Variants in GIGYF2 observed in about 807,000 individuals in gnomAD.
GIGYF2 encodes GRB10-interacting GYF protein 2.
GIGYF2 carries 25 observed loss-of-function variants against 208.1 expected under a neutral mutation model. The ratio of observed to expected loss-of-function variants is 0.12; its 90% CI spans 0.09 to 0.17. The LOEUF (loss-of-function observed/expected upper bound fraction) is 0.17, where lower values mean the gene tolerates loss of function less well. GIGYF2 is among the 10% of genes least tolerant of loss of function. GIGYF2 has a pLI of 1.00. For synonymous variants in GIGYF2, 534 were observed against 543.8 expected (o/e 0.98, Z 0.25); for missense variants, 1,302 against 1,579.4 (o/e 0.82, Z 2.98).
chr2:232,718,461 C>G (rs1366318664), intron 2 of GIGYF2, among the ~76,000 whole-genome samples: 1 of 152,056 alleles, frequency 6.6e-6, no homozygotes, highest in Non-Finnish European at 1.5e-5. Context: ...GATTGGTTTG[C>G]CTGTTGATGT....
chr2:232,855,817 G>A (rs972789101), intron 28 of GIGYF2, among the ~76,000 whole-genome samples: 3 of 152,058 alleles, frequency 2.0e-5, no homozygotes, highest in Admixed American at 6.6e-5. Flanking sequence ...TCTCTTTTAA[G>A]GTAGACCTCC....
intron 2 of GIGYF2, chr2:232,729,541 A>C (rs1697356015): frequency 7.5e-7 from 1 of 1,335,824 alleles, no homozygotes; most frequent in African/African-American, 1.5e-5. Flanking sequence ...TGTTGAAAGC[A>C]GCCACATCCA....
intron 19 of GIGYF2, among the ~76,000 whole-genome samples, chr2:232,816,138 T>G (rs558581738): frequency 1.5e-4 from 23 of 152,310 alleles, no homozygotes; most frequent in Non-Finnish European, 3.1e-4. Context: ...TTTCTTAGTA[T>G]CCTCAGACGT....
At position 232,812,344 on chromosome 2, in the gene GIGYF2, T is replaced by A. The variant is rs79297024; in HGVS notation, c.2007-47T>A. 175 of 811,628 alleles carry A rather than the reference T, an allele frequency of 2.2e-4. 2 individuals carry two copies. Among genetic ancestry groups the A allele is most frequent in the South Asian group, 2.0e-3 (140 of 71,010 alleles). 50.3% of individuals were successfully genotyped at this position (811,628 alleles called of 1,614,324 possible). ...ATTCCTCTTCATCTTTTTTTTTTTT[T>A]CCTGCAAATGACAAGAACAAGTTAA... is the stretch of plus-strand genomic sequence containing the variant. On this transcript the variant is annotated intron_variant, in intron 17 of 28. Coordinates refer to ENST00000373563, the MANE Select transcript of GIGYF2 (RefSeq NM_001103146.3).
chr2:232,842,009 A>T (rs926097602), intron 23 of GIGYF2, among the ~76,000 whole-genome samples: 83 of 152,144 alleles, frequency 5.5e-4, no homozygotes, highest in Middle Eastern at 6.8e-3. Context: ...ATTTAAAAAA[A>T]AATTTTTTTT....
chr2:232,756,195 C>CTTTTT, intron 5 of GIGYF2, 28 bp from the exon 6 acceptor site: 1 of 1,023,758 alleles, frequency 9.8e-7, no homozygotes, highest in South Asian at 1.7e-5. Flanking sequence ...TTTCCTTTTT[C>CTTTTT]TCTTTTTTTT....
chr2:232,846,853 G>T (rs1348658873), intron 26 of GIGYF2, among the ~76,000 whole-genome samples: 1 of 152,190 alleles, frequency 6.6e-6, no homozygotes, highest in Non-Finnish European at 1.5e-5. Context: ...TCAGAGTCAG[G>T]TTTTAAACCC....
At chr2:232,850,763 T>TAA (rs1368008033) in intron 28 of GIGYF2, among the ~76,000 whole-genome samples, 10 of 152,240 alleles carry the variant, frequency 6.6e-5, no homozygotes, top group Non-Finnish European at 1.0e-4. Flanking sequence ...CTTAAATGCT[T>TAA]ATTTGTATTG....
intron 21 of GIGYF2, among the ~76,000 whole-genome samples, chr2:232,820,211 G>C (rs374575368): frequency 6.6e-6 from 1 of 152,052 alleles, no homozygotes; most frequent in African/African-American, 2.4e-5. Context: ...TTTTTGCTCA[G>C]CTGTATAGTG....
In GIGYF2 at chr2:232,844,427, C is replaced by G. The variant is rs746427143; in HGVS notation, c.3158C>G (p.Pro1053Arg). 2.0e-5 allele frequency: 32 copies of G among 1,611,498 alleles called. No individual in the cohort carries two copies. Among genetic ancestry groups the G allele is most frequent in the Non-Finnish European group, 2.6e-5 (31 of 1,177,698 alleles). ...GTTTGGGGCTCTATAAATACTGGTC[C>G]TCCTAACCAGTGGGCATCTGACCTA... ...NSVWGSINTG[P>R]PNQWASDLVS... The change falls in exon 25 of 29, where the codon CCT becomes CGT. Residue 1053 changes from proline (P) to arginine (R), a missense_variant. Physicochemically the swap from Pro to Arg is moderately radical, Grantham distance 103. Coordinates refer to ENST00000373563, the MANE Select transcript of GIGYF2 (RefSeq NM_001103146.3).
At chr2:232,786,909 C>A (rs149314840) in intron 8 of GIGYF2, among the ~76,000 whole-genome samples, 1 of 151,924 alleles carries the variant, frequency 6.6e-6, no homozygotes. Context: ...TTTCATTGTA[C>A]GCTTTTTCAA....
intron 2 of GIGYF2, among the ~76,000 whole-genome samples, chr2:232,732,475 T>C (rs746107811): frequency 1.2e-4 from 18 of 152,128 alleles, no homozygotes; most frequent in Admixed American, 2.6e-4. Context: ...TTTGAAGACA[T>C]TTAAAACAGC....
At chr2:232,829,899 C>G (rs1224155974) in intron 21 of GIGYF2, among the ~76,000 whole-genome samples, 1 of 152,194 alleles carries the variant, frequency 6.6e-6, no homozygotes, top group East Asian at 1.9e-4. Context: ...TGACAGTAGA[C>G]AGTTGGCAGG....
intron 8 of GIGYF2, among the ~76,000 whole-genome samples, chr2:232,785,746 A>T (rs1361819427): frequency 2.0e-5 from 3 of 152,236 alleles, no homozygotes; most frequent in African/African-American, 7.2e-5. Context: ...CTAGTAGCAG[A>T]CTAACAACCA....
At chr2:232,707,844 G>T (rs1013186302) in intron 2 of GIGYF2, among the ~76,000 whole-genome samples, 1 of 151,946 alleles carries the variant, frequency 6.6e-6, no homozygotes, top group African/African-American at 2.4e-5. Flanking sequence ...CACCATGTTG[G>T]CCAGGCTGGT....
chr2:232,713,726 T>C lies in GIGYF2; in HGVS notation c.-44+10237T>C, dbSNP rs145420276. On this transcript the variant is annotated intron_variant, in intron 2 of 28. Transcript: ENST00000373563. ...CCTTGACAAGTTTGAGGAGTACTAG[T>C]TATTTTGTAGAATGACTCTCTTTTA... Among the ~76,000 whole-genome samples, 7 of 152,298 alleles carry C rather than the reference T, an allele frequency of 4.6e-5. No individual in the cohort carries two copies. In the East Asian group the frequency reaches 7.7e-4, roughly 17 times the overall value.
Position 232,806,820 on chromosome 2 carries a change from A to G in GIGYF2, c.1806+163A>G, listed in dbSNP as rs3816335. ...TGAATGGAAGACTGAATACTTAGCT[A>G]TAATGATCTTTTCAAAACTCGAATA... is the stretch of plus-strand genomic sequence containing the variant. On this transcript the variant is annotated intron_variant, in intron 15 of 28. Coordinates refer to ENST00000373563, the MANE Select transcript of GIGYF2 (RefSeq NM_001103146.3). The surrounding 1 kb of genome is among the most constrained non-coding windows in gnomAD (Gnocchi z 4.0). 0.034 allele frequency among the ~76,000 whole-genome samples: 5,057 copies of G among 150,078 alleles called. 241 individuals are homozygous for G. The highest frequency in any genetic ancestry group is 0.24 in the East Asian group (1,211 of 5,108).
At chr2:232,742,966 C>T (rs779161006) in intron 3 of GIGYF2, among the ~76,000 whole-genome samples, 4 of 152,298 alleles carry the variant, frequency 2.6e-5, no homozygotes, top group Non-Finnish European at 5.9e-5. Flanking sequence ...TTGAGAATCA[C>T]AAGCTTACAT....
intron 12 of GIGYF2, 152 bp downstream of exon 12, chr2:232,791,598 G>A: frequency 1.3e-6 from 1 of 742,994 alleles, no homozygotes; most frequent in Non-Finnish European, 2.3e-6. Context: ...CAGTCAAACA[G>A]TGCTTCTCAC....
Sources: allele counts gnomAD v4.1 joint callset (sites outside exome capture counted in the v4.1 genomes callset), GRCh38; gene constraint gnomAD v4.1.1; non-coding constraint Gnocchi (gnomAD v3.1); transcripts MANE v1.5; gene names NCBI Gene and HGNC (gene_info 2026-07-23, HGNC 2026-07-21).